CTNNBIP1: variants seen among roughly 807,000 people sequenced by gnomAD.
The protein encoded by CTNNBIP1 is beta-catenin-interacting protein 1.
Under a neutral mutation model 11.8 loss-of-function variants are expected in CTNNBIP1, and 7 were observed. The observed-to-expected ratio is 0.60, with a 90% CI of 0.34 to 1.12. The LOEUF is 1.12. Ranked by LOEUF, CTNNBIP1 falls within the 50% of genes most tolerant of loss-of-function variation. CTNNBIP1 has a pLI of 0.03. For missense variants in CTNNBIP1, 101 were observed against 113.4 expected, an observed-to-expected ratio of 0.89 and a Z score of 0.50; for synonymous variants, 58 against 43.9, an observed-to-expected ratio of 1.32 and a Z score of -1.26.
intron 1 of CTNNBIP1, among the ~76,000 whole-genome samples, chr1:9,898,209 T>C (rs1216949230): frequency 1.3e-5 from 2 of 151,108 alleles, no homozygotes; most frequent in Non-Finnish European, 2.9e-5. Context: ...AATCAAAAAC[T>C]CTGCATGAAA....
At chr1:9,896,380 A>G (rs1369498754) in intron 1 of CTNNBIP1, among the ~76,000 whole-genome samples, 4 of 152,262 alleles carry the variant, frequency 2.6e-5, no homozygotes, top group Non-Finnish European at 4.4e-5. Flanking sequence ...CAAAGAAAAC[A>G]GTGCGAGAAG....
At chr1:9,885,975 G>C (rs1279288758) in intron 1 of CTNNBIP1, among the ~76,000 whole-genome samples, 1 of 151,140 alleles carries the variant, frequency 6.6e-6, no homozygotes, top group Non-Finnish European at 1.5e-5. Flanking sequence ...GTGAGTGCCT[G>C]GTATACAGCA....
intron 1 of CTNNBIP1, among the ~76,000 whole-genome samples, chr1:9,893,763 C>T (rs577477394): frequency 3.3e-5 from 5 of 152,248 alleles, no homozygotes; most frequent in South Asian, 2.1e-4. Context: ...TGTTAAAAAA[C>T]GAAAACAAAA....
intron 1 of CTNNBIP1, among the ~76,000 whole-genome samples, chr1:9,899,721 T>G (rs1473149565): frequency 6.6e-6 from 1 of 151,386 alleles, no homozygotes; most frequent in Non-Finnish European, 1.5e-5. Flanking sequence ...ATCATGCCAC[T>G]GCACTCCAGC....
intron 5 of CTNNBIP1, among the ~76,000 whole-genome samples, chr1:9,854,028 T>C (rs1028178067): frequency 5.3e-5 from 8 of 152,074 alleles, no homozygotes; most frequent in African/African-American, 1.9e-4. Context: ...ATCAATAGGA[T>C]AAAGGACAAA....
chr1:9,899,770 A>C lies in CTNNBIP1; in HGVS notation c.-144+10325T>G, dbSNP rs118047470. The stretch of plus-strand genomic sequence containing the variant: ...AAGGCTCCGTCTCAAAAAAAAAGAA[A>C]GAAAGAAAGAAAGAAAGAAATGGCT... On this transcript the variant is annotated intron_variant, in intron 1 of 5. Coordinates refer to ENST00000377263, the MANE Select transcript of CTNNBIP1 (RefSeq NM_020248.3). 3.1e-3 allele frequency among the ~76,000 whole-genome samples: 472 copies of C among 151,002 alleles called. 10 individuals carry two copies. The East Asian group carries it at 0.077, about 25-fold the overall frequency.
intron 5 of CTNNBIP1, among the ~76,000 whole-genome samples, chr1:9,861,610 CTGGG>C (rs879439672): frequency 1.3e-5 from 2 of 152,260 alleles, no homozygotes; most frequent in Non-Finnish European, 2.9e-5. Flanking sequence ...CAAGAGGCTG[CTGGG>C]CGGTGGCACT....
Position 9,851,970 on chromosome 1 carries a change from C to T in CTNNBIP1, c.188-1194G>A, listed in dbSNP as rs1638396426. 6.6e-6 allele frequency among the ~76,000 whole-genome samples: 1 copy of T among 152,188 alleles called. No individual in the cohort carries two copies. The highest frequency in any genetic ancestry group is 1.5e-5 in the Non-Finnish European group (1 of 68,046). On this transcript the variant is annotated intron_variant, in intron 5 of 5. Coordinates refer to ENST00000377263, the MANE Select transcript of CTNNBIP1 (RefSeq NM_020248.3). The surrounding 1 kb of genome is among the most constrained non-coding windows in gnomAD (Gnocchi z 4.8). ...TGTAAAAGGCCAGATCTTCACTTTG[C>T]CCCGAAAAGTACCAGTCTGGCTGCC...
chr1:9,851,848 A>ATAAC lies in CTNNBIP1; in HGVS notation c.188-1073_188-1072insGTTA, dbSNP rs1461768563. On this transcript the variant is annotated intron_variant, in intron 5 of 5. Coordinates refer to ENST00000377263, the MANE Select transcript of CTNNBIP1 (RefSeq NM_020248.3). This position sits in a 1 kb window ranked among gnomAD's most constrained non-coding sequence, Gnocchi z 4.8. ...CACACCCACAACTGCCTGGGGAGTT[A>ATAAC]GGGGCTGACATGGCCAGGGAGGGGC... Among the ~76,000 whole-genome samples the ATAAC allele has an allele frequency of 1.3e-5, 2 of 152,276 alleles. No homozygotes were observed. Among genetic ancestry groups the ATAAC allele is most frequent in the East Asian group, 3.9e-4 (2 of 5,170 alleles).
At chr1:9,859,839 T>C (rs986818814) in intron 5 of CTNNBIP1, among the ~76,000 whole-genome samples, 1 of 152,166 alleles carries the variant, frequency 6.6e-6, no homozygotes, top group Non-Finnish European at 1.5e-5. Flanking sequence ...AACAGGCTGG[T>C]CCCAGGCCAC....
At chr1:9,865,682 A>T (rs1638729708) in intron 5 of CTNNBIP1, among the ~76,000 whole-genome samples, 1 of 152,228 alleles carries the variant, frequency 6.6e-6, no homozygotes, top group Non-Finnish European at 1.5e-5. Flanking sequence ...CTTGTGCTAC[A>T]GATGTATGCA....
chr1:9,898,182 A>G (rs534333053), intron 1 of CTNNBIP1, among the ~76,000 whole-genome samples: 1 of 152,010 alleles, frequency 6.6e-6, no homozygotes, highest in South Asian at 2.1e-4. Context: ...AAATATTAAA[A>G]AATCTGATTA....
chr1:9,881,464 C>T (rs1004058014), intron 2 of CTNNBIP1, among the ~76,000 whole-genome samples: 3 of 151,486 alleles, frequency 2.0e-5, no homozygotes, highest in Non-Finnish European at 2.9e-5. Context: ...CTCAGCCTCC[C>T]GAGTAGCTGG....
At chr1:9,865,918 G>A (rs955628502) in intron 5 of CTNNBIP1, among the ~76,000 whole-genome samples, 59 of 152,188 alleles carry the variant, frequency 3.9e-4, no homozygotes, top group African/African-American at 1.4e-3. Flanking sequence ...GCTTCAGGAA[G>A]CTCTGGACCT....
At chr1:9,886,907 G>A (rs1336357135) in intron 1 of CTNNBIP1, among the ~76,000 whole-genome samples, 2 of 152,150 alleles carry the variant, frequency 1.3e-5, no homozygotes, top group African/African-American at 4.8e-5. Flanking sequence ...GGCCTCAGGA[G>A]CAACCGCCTT....
At position 9,867,763 on chromosome 1, in the gene CTNNBIP1, A is replaced by G. The variant is rs766838444; in HGVS notation, c.187+3424T>C. Among the ~76,000 whole-genome samples the G allele has an allele frequency of 3.3e-5, 5 of 152,172 alleles. No homozygotes were observed. The highest frequency in any genetic ancestry group is 5.9e-5 in the Non-Finnish European group (4 of 68,012). ...TGCTCTGGCCCCCGCATCCTGCCCCAGTCCCTGGAGACAACAATCCAGGGC... is the reference window on the plus strand; with the variant it reads ...TGCTCTGGCCCCCGCATCCTGCCCCGGTCCCTGGAGACAACAATCCAGGGC... On this transcript the variant is annotated intron_variant, in intron 5 of 5. Transcript: ENST00000377263. This position sits in a 1 kb window ranked among gnomAD's most constrained non-coding sequence, Gnocchi z 4.6.
chr1:9,885,681 G>C (rs1200230975), intron 1 of CTNNBIP1, among the ~76,000 whole-genome samples: 1 of 151,632 alleles, frequency 6.6e-6, no homozygotes, highest in Non-Finnish European at 1.5e-5. Flanking sequence ...CGGTGGCTCA[G>C]ACCTGTAATC....
intron 3 of CTNNBIP1, among the ~76,000 whole-genome samples, chr1:9,874,358 G>A (rs1172597830): frequency 6.6e-6 from 1 of 152,108 alleles, no homozygotes; most frequent in Non-Finnish European, 1.5e-5. Context: ...GGGCTTAAGC[G>A]ATCCTCCTGC....
rs1240958374 is a variant in CTNNBIP1, at chr1:9,867,260, T to C, written c.187+3927A>G. On this transcript the variant is annotated intron_variant, in intron 5 of 5. Coordinates refer to ENST00000377263, the MANE Select transcript of CTNNBIP1 (RefSeq NM_020248.3). This position sits in a 1 kb window ranked among gnomAD's most constrained non-coding sequence, Gnocchi z 4.6. ...AGCAGAGGCCAGGCAGGCTGGGAAC[T>C]GGGGGGCCACTGGGGCCTCTGCTGG... Among the ~76,000 whole-genome samples, 2 of 152,032 alleles carry C rather than the reference T, an allele frequency of 1.3e-5. No individual in the cohort carries two copies. Among genetic ancestry groups the C allele is most frequent in the Non-Finnish European group, 2.9e-5 (2 of 68,000 alleles).
Sources: gnomAD v4.1 joint callset for allele counts (sites outside exome capture counted in the v4.1 genomes callset) on GRCh38, gnomAD v4.1.1 for gene constraint, Gnocchi (gnomAD v3.1) non-coding constraint, MANE v1.5 for transcripts, NCBI Gene and HGNC (gene_info 2026-07-23, HGNC 2026-07-21) for gene names.